CMYA5: variants seen among roughly 807,000 people sequenced by gnomAD.
The protein encoded by CMYA5 is cardiomyopathy-associated protein 5.
CMYA5 carries 246 observed loss-of-function variants against 318.9 expected under a neutral mutation model. The observed-to-expected ratio is 0.77, with a 90% CI of 0.70 to 0.86. The LOEUF (loss-of-function observed/expected upper bound fraction) is 0.86, where lower values mean the gene tolerates loss of function less well. Among genes scored for constraint, CMYA5 ranks in the 40% least tolerant of loss-of-function variants. The pLI, the probability that CMYA5 is intolerant of heterozygous loss-of-function variation, is 0.00. For synonymous variants in CMYA5, 1,641 were observed against 1,729.5 expected, an observed-to-expected ratio of 0.95 and a Z score of 1.27; for missense variants, 4,589 against 4,678.2, an observed-to-expected ratio of 0.98 and a Z score of 0.56.
intron 2 of CMYA5, among the ~76,000 whole-genome samples, chr5:79,742,183 T>C (rs1390596617): frequency 6.9e-6 from 1 of 144,786 alleles, no homozygotes; most frequent in Admixed American, 7.0e-5. Context: ...CCTCTTCTTC[T>C]TCTTCCTTTT....
Position 79,730,306 on chromosome 5 carries a change from C to G in CMYA5, c.1541C>G (p.Pro514Arg), listed in dbSNP as rs1219840635. ...AAAGAAGAAATAGAAACTTCCCTAC[C>G]CATAGCTATTACCCCTGAACCTGAA... is the stretch of plus-strand genomic sequence containing the variant. Reference protein sequence around the residue: ...PEKEEIETSLPIAITPEPEDS... With the variant: ...PEKEEIETSLRIAITPEPEDS... The change falls in exon 2 of 13, where the codon CCC becomes CGC. Residue 514 changes from proline (P) to arginine (R), a missense_variant. By Grantham distance (103) the Pro-to-Arg change is moderately radical (BLOSUM62 -2). Around this residue, in one of 3 missense-constraint regions of CMYA5, gnomAD observed 2,132 missense variants for 2,131.3 expected, o/e 1.00. Coordinates refer to ENST00000446378, the MANE Select transcript of CMYA5 (RefSeq NM_153610.5). The G allele has an allele frequency of 6.2e-7, 1 of 1,613,806 alleles. No individual in the cohort carries two copies. Among genetic ancestry groups the G allele is most frequent in the South Asian group, 1.1e-5 (1 of 91,062 alleles).
rs1020164223 is a variant in CMYA5 at position 79,737,502 on chromosome 5, A to G, written c.8737A>G (p.Met2913Val). ...TGATAAAATGGTTTCTAATAAAGAA[A>G]TGCCCAAGGAACCTGAAGACACATA... ...NADKMVSNKE[M>V]PKEPEDTYAK... The change falls in exon 2 of 13, where the codon ATG becomes GTG. Residue 2913 changes from methionine to valine, a missense_variant. By Grantham distance (21) the Met-to-Val change is conservative (BLOSUM62 1). Coordinates refer to ENST00000446378, the MANE Select transcript of CMYA5 (RefSeq NM_153610.5). The G allele has an allele frequency of 1.9e-6, 3 of 1,613,570 alleles. No homozygotes were observed. Among genetic ancestry groups the G allele is most frequent in the Admixed American group, 1.7e-5 (1 of 59,904 alleles).
At chr5:79,790,721 C>T (rs981170558) in intron 10 of CMYA5, among the ~76,000 whole-genome samples, 2 of 152,222 alleles carry the variant, frequency 1.3e-5, no homozygotes, top group Non-Finnish European at 2.9e-5. Context: ...GAGCACACTG[C>T]ACAGCAGATG....
rs1561211178 is a variant in CMYA5 at position 79,735,668 on chromosome 5, GA to G, written c.6905del (p.Asn2302ThrfsTer2). 8.1e-6 allele frequency: 13 copies of G among 1,612,546 alleles called. No individual in the cohort carries two copies. Among genetic ancestry groups the G allele is most frequent in the Non-Finnish European group, 1.1e-5 (13 of 1,179,556 alleles). On this transcript the variant is annotated frameshift_variant, in exon 2 of 13. Coordinates refer to ENST00000446378, the MANE Select transcript of CMYA5 (RefSeq NM_153610.5). LOFTEE classifies it high-confidence loss of function. The stretch of plus-strand genomic sequence containing the variant: ...AAATCTCAGGCGATTCAGAGGAAAT[GA>G]ACATAAACTCAGTAGTTACTTCTGC... ...KEISGDSEEMNINSVVTSADG... is the reference protein window; with the variant it reads ...KEISGDSEEMXINSVVTSADG...
intron 11 of CMYA5, among the ~76,000 whole-genome samples, chr5:79,792,826 A>G (rs1829202912): frequency 6.6e-6 from 1 of 152,202 alleles, no homozygotes; most frequent in Non-Finnish European, 1.5e-5. Flanking sequence ...GAAACCTTCA[A>G]CCAACCTCTT....
chr5:79,758,202 C>T (rs1828567617), intron 6 of CMYA5, among the ~76,000 whole-genome samples: 1 of 151,222 alleles, frequency 6.6e-6, no homozygotes, highest in South Asian at 2.1e-4. Flanking sequence ...TGCACTCCAG[C>T]CTGGGTGATA....
rs1827886127 is a variant in CMYA5 at position 79,731,101 on chromosome 5, T to G, written c.2336T>G (p.Val779Gly). The G allele has an allele frequency of 6.2e-7, 1 of 1,613,884 alleles. No individual in the cohort carries two copies. Among genetic ancestry groups the G allele is most frequent in the South Asian group, 1.1e-5 (1 of 91,078 alleles). Residue 779 changes from valine to glycine, a missense_variant, in exon 2 of 13, where the codon GTC becomes GGC. Val to Gly is a moderately radical substitution (Grantham distance 109). Around this residue, in one of 3 missense-constraint regions of CMYA5, gnomAD observed 2,132 missense variants for 2,131.3 expected, o/e 1.00. Transcript: ENST00000446378. ...LPSTATSEHV[V>G]PSEGEDLGSE... ...TCTACTGCCACATCAGAACACGTGG[T>G]CCCATCAGAAGGAGAGGACCTAGGA...
intron 3 of CMYA5, among the ~76,000 whole-genome samples, chr5:79,744,530 T>C (rs1232582665): frequency 6.6e-6 from 1 of 152,240 alleles, no homozygotes; most frequent in Non-Finnish European, 1.5e-5. Context: ...CTGAGGCCAC[T>C]GCAGAGGCTG....
chr5:79,798,576 C>T (rs1231214594), intron 12 of CMYA5, among the ~76,000 whole-genome samples: 2 of 152,206 alleles, frequency 1.3e-5, no homozygotes, highest in East Asian at 3.8e-4. Flanking sequence ...TGAAGATCTA[C>T]ACCCTGAGAG....
At chr5:79,703,405 GTC>G (rs1827209626) in intron 1 of CMYA5, among the ~76,000 whole-genome samples, 1 of 152,168 alleles carries the variant, frequency 6.6e-6, no homozygotes, top group African/African-American at 2.4e-5. Flanking sequence ...GAACAAAAAA[GTC>G]TTTCACTCTG....
chr5:79,729,544 G>A lies in CMYA5; in HGVS notation c.779G>A (p.Arg260Lys), dbSNP rs1239658192. The part of the protein sequence containing the change: ...KGYVIKEIHY[R>K]KGKDASISLE... ...TATGTAATTAAAGAAATACATTATA[G>A]GAAAGGGAAAGATGCATCCATTAGT... The change falls in exon 2 of 13, where the codon AGG becomes AAG. Residue 260 changes from arginine to lysine, a missense_variant. Around this residue, in one of 3 missense-constraint regions of CMYA5, gnomAD observed 2,132 missense variants for 2,131.3 expected, o/e 1.00. Transcript: ENST00000446378. 2 of 1,613,230 alleles carry A rather than the reference G, an allele frequency of 1.2e-6. No homozygotes were observed. The highest frequency in any genetic ancestry group is 1.3e-5 in the African/African-American group (1 of 74,896).
In CMYA5 at chr5:79,730,776, A is replaced by G. The variant is rs908974677; in HGVS notation, c.2011A>G (p.Thr671Ala). ...AGAGAACCAGTCTCCACTGTTTTCA[A>G]CAGTTACACCAGAATACATGGTCCT... ...TSENQSPLFS[T>A]VTPEYMVLSG... Residue 671 changes from threonine to alanine, a missense_variant, in exon 2 of 13, where the codon ACA becomes GCA. Transcript: ENST00000446378. 4 of 1,613,794 alleles carry G rather than the reference A, an allele frequency of 2.5e-6. No homozygotes were observed. Among genetic ancestry groups the G allele is most frequent in the South Asian group, 1.1e-5 (1 of 91,072 alleles).
intron 2 of CMYA5, among the ~76,000 whole-genome samples, chr5:79,740,419 C>T (rs777935425): frequency 2.0e-5 from 3 of 152,292 alleles, no homozygotes; most frequent in Middle Eastern, 3.4e-3. Flanking sequence ...CTGCAAAAAG[C>T]AGTTTCCTTC....
Position 79,739,115 on chromosome 5 carries a change from C to T in CMYA5, c.10350C>T (p.Val3450=). ...ELSSESTPED[V]LSQGKESFEH... The stretch of plus-strand genomic sequence containing the variant: ...CTTCAGAATCCACACCTGAAGATGT[C>T]TTATCTCAAGGAAAGGAATCCTTTG... The change falls in exon 2 of 13, where the codon GTC becomes GTT. Residue 3450 remains valine (V), a synonymous_variant. Transcript: ENST00000446378. 6.2e-7 allele frequency: 1 copy of T among 1,613,818 alleles called. No homozygotes were observed. Among genetic ancestry groups the T allele is most frequent in the Non-Finnish European group, 8.5e-7 (1 of 1,179,836 alleles).
chr5:79,794,640 G>A (rs1361381770), intron 12 of CMYA5, among the ~76,000 whole-genome samples: 1 of 152,182 alleles, frequency 6.6e-6, no homozygotes, highest in East Asian at 1.9e-4. Context: ...CATGAAATCA[G>A]GTACAGGGAA....
At chr5:79,740,601 T>G (rs977104742) in intron 2 of CMYA5, among the ~76,000 whole-genome samples, 1 of 152,234 alleles carries the variant, frequency 6.6e-6, no homozygotes, top group Non-Finnish European at 1.5e-5. Flanking sequence ...TTGCATTCTT[T>G]CTGGCTATGT....
At chr5:79,757,194 C>CAA (rs35929144) in intron 6 of CMYA5, among the ~76,000 whole-genome samples, 2,698 of 84,360 alleles carry the variant, frequency 0.032, 102 homozygotes, top group African/African-American at 0.092. Context: ...GACTCCATCT[C>CAA]AAAAAAAAAA....
intron 1 of CMYA5, among the ~76,000 whole-genome samples, chr5:79,701,090 C>CCAAAAAAAAAAAAAAAAAAAAAAAAAA (rs55791310): frequency 8.7e-6 from 1 of 114,926 alleles, no homozygotes; most frequent in Non-Finnish European, 1.9e-5. Flanking sequence ...ACTAAAAATA[C>CCAAAAAAAAAAAAAAAAAAAAAAAAAA]AAAAAAAAAA....
chr5:79,747,838 G>A (rs1828356997), intron 5 of CMYA5, among the ~76,000 whole-genome samples: 1 of 152,078 alleles, frequency 6.6e-6, no homozygotes, highest in Admixed American at 6.5e-5. Context: ...TCTCCTTTTA[G>A]TGTAATTTTA....
Sources: gnomAD v4.1 joint callset for allele counts (sites outside exome capture counted in the v4.1 genomes callset) on GRCh38, gnomAD v4.1.1 for gene constraint, gnomAD v4.1.1 regional missense constraint, MANE v1.5 for transcripts, NCBI Gene and HGNC (gene_info 2026-07-23, HGNC 2026-07-21) for gene names.